The following ARHGAP20 variants were observed in gnomAD, a reference collection of about 807,000 sequenced individuals.
ARHGAP20 encodes the protein rho GTPase-activating protein 20.
In ARHGAP20, 34 loss-of-function variants were observed where a neutral mutation model predicts 73.7. That is an observed-to-expected ratio of 0.46 (90% CI 0.35 to 0.61). The LOEUF (loss-of-function observed/expected upper bound fraction) is 0.61, where lower values mean the gene tolerates loss of function less well. Ranked by LOEUF, ARHGAP20 falls within the 20% of genes least tolerant of loss-of-function variation. ARHGAP20 has a pLI of 0.00. For missense variants in ARHGAP20, 1,314 were observed against 1,420.9 expected (o/e 0.92, Z 1.21); for synonymous variants, 523 against 518.2 (o/e 1.01, Z -0.13).
intron 6 of ARHGAP20, among the ~76,000 whole-genome samples, chr11:110,612,043 T>C (rs1208092693): frequency 6.6e-6 from 1 of 152,188 alleles, no homozygotes; most frequent in East Asian, 1.9e-4. Context: ...AATTCTATTA[T>C]CAACTCTGCC....
intron 2 of ARHGAP20, among the ~76,000 whole-genome samples, chr11:110,644,208 T>A (rs1026031004): frequency 3.3e-5 from 5 of 152,066 alleles, no homozygotes; most frequent in Non-Finnish European, 7.4e-5. Context: ...AGAGTTAATA[T>A]CATTAAAATG....
intron 11 of ARHGAP20, among the ~76,000 whole-genome samples, chr11:110,588,801 T>C (rs1947741639): frequency 6.6e-6 from 1 of 152,158 alleles, no homozygotes; most frequent in African/African-American, 2.4e-5. Context: ...TCTTGGTTGT[T>C]AAAGAAAATT....
chr11:110,614,810 T>C (rs1371965545), intron 5 of ARHGAP20, among the ~76,000 whole-genome samples, 165 bp from the exon 6 acceptor site: 1 of 152,034 alleles, frequency 6.6e-6, no homozygotes, highest in Non-Finnish European at 1.5e-5. Flanking sequence ...ACATTATGGG[T>C]TGGAAGAGAA....
intron 3 of ARHGAP20, 134 bp downstream of exon 3, chr11:110,630,494 C>A: frequency 1.1e-6 from 1 of 921,320 alleles, no homozygotes; most frequent in Admixed American, 2.8e-5. Context: ...CAATGAAGGG[C>A]ATAAAATCAC....
intron 4 of ARHGAP20, among the ~76,000 whole-genome samples, chr11:110,621,213 T>G (rs1158547669): frequency 6.6e-6 from 1 of 152,112 alleles, no homozygotes; most frequent in Non-Finnish European, 1.5e-5. Flanking sequence ...GATCTTTCTC[T>G]TATTTTTGAT....
intron 9 of ARHGAP20, among the ~76,000 whole-genome samples, chr11:110,595,663 A>G (rs553202780): frequency 2.6e-5 from 4 of 152,354 alleles, no homozygotes; most frequent in African/African-American, 7.2e-5. Context: ...CAAATGGAAG[A>G]ACATTCCATG....
intron 1 of ARHGAP20, chr11:110,691,039 G>A: frequency 2.0e-6 from 3 of 1,498,988 alleles, no homozygotes; most frequent in Non-Finnish European, 2.7e-6. Context: ...GGCAAATTTG[G>A]CTTCAAGAAA....
intron 2 of ARHGAP20, among the ~76,000 whole-genome samples, chr11:110,648,817 T>G (rs1157829701): frequency 6.6e-6 from 1 of 152,052 alleles, no homozygotes; most frequent in Admixed American, 6.6e-5. Context: ...GTCCCTTATG[T>G]TAGCCTGAAA....
intron 2 of ARHGAP20, among the ~76,000 whole-genome samples, chr11:110,638,671 TA>T (rs1325566341): frequency 6.6e-6 from 1 of 151,830 alleles, no homozygotes; most frequent in African/African-American, 2.4e-5. Flanking sequence ...TATGCAGCCA[TA>T]AAAAATGATG....
intron 2 of ARHGAP20, among the ~76,000 whole-genome samples, chr11:110,675,186 G>C (rs965224670): frequency 6.6e-6 from 1 of 152,154 alleles, no homozygotes; most frequent in Admixed American, 6.5e-5. Flanking sequence ...TTATTTGATA[G>C]AGCCAGTTTT....
intron 12 of ARHGAP20, among the ~76,000 whole-genome samples, 167 bp downstream of exon 12, chr11:110,586,049 A>G (rs1027480659): frequency 4.6e-5 from 7 of 152,198 alleles, no homozygotes; most frequent in African/African-American, 1.7e-4. Context: ...CAAGTATTAC[A>G]ATGTTCAACT....
chr11:110,690,580 A>C lies in ARHGAP20; in HGVS notation c.155T>G (p.Leu52Arg), dbSNP rs780467015. ...ERRRSAPSLI[L>R]DKALQKRPTT... ...AGGCCGTTTTTGTAGGGCTTTATCC[A>C]GGATAAGAGATGGAGCGCTCCTCCT... The change falls in exon 2 of 15, where the codon CTG (leucine) becomes CGG (arginine). Residue 52 changes from leucine (L) to arginine (R), a missense_variant. Leu to Arg is a moderately radical substitution (Grantham distance 102). This residue lies in a region of ARHGAP20 where 443 missense variants were observed against 466.4 expected (regional missense o/e 0.95). Transcript: ENST00000683387. The C allele has an allele frequency of 6.2e-7, 1 of 1,613,974 alleles. No homozygotes were observed. Among genetic ancestry groups the C allele is most frequent in the Non-Finnish European group, 8.5e-7 (1 of 1,179,982 alleles).
At chr11:110,658,780 A>ATTGTTTTGTT (rs60691263) in intron 2 of ARHGAP20, among the ~76,000 whole-genome samples, 27,592 of 151,188 alleles carry the variant, frequency 0.18, 2,679 homozygotes, top group South Asian at 0.3. Context: ...GTTGTTATTT[A>ATTGTTTTGTT]TTGTTTTGTT....
intron 12 of ARHGAP20, among the ~76,000 whole-genome samples, chr11:110,584,896 AAT>A (rs1161437681): frequency 1.4e-5 from 2 of 142,090 alleles, no homozygotes; most frequent in African/African-American, 2.5e-5. Flanking sequence ...TGTAAAAATG[AAT>A]ATATGTGAAT....
At chr11:110,656,141 A>G (rs1022666751) in intron 2 of ARHGAP20, among the ~76,000 whole-genome samples, 1 of 152,116 alleles carries the variant, frequency 6.6e-6, no homozygotes, top group Non-Finnish European at 1.5e-5. Flanking sequence ...GTCCCTAAAC[A>G]CTAGGACTAT....
chr11:110,640,165 C>G (rs1359311519), intron 2 of ARHGAP20, among the ~76,000 whole-genome samples: 3 of 151,956 alleles, frequency 2.0e-5, no homozygotes, highest in African/African-American at 7.2e-5. Flanking sequence ...AACTCTGGAT[C>G]CTCATAACCT....
intron 2 of ARHGAP20, among the ~76,000 whole-genome samples, chr11:110,680,149 T>C (rs1478986371): frequency 1.3e-5 from 2 of 152,174 alleles, no homozygotes; most frequent in Non-Finnish European, 2.9e-5. Context: ...AAATACATTA[T>C]AAAATTAACT....
intron 2 of ARHGAP20, among the ~76,000 whole-genome samples, chr11:110,654,437 ATG>A (rs1258713484): frequency 1.3e-5 from 2 of 152,222 alleles, no homozygotes; most frequent in African/African-American, 4.8e-5. Context: ...TAAATAACAA[ATG>A]TCTTAATTTC....
chr11:110,608,100 C>G (rs993291829), intron 8 of ARHGAP20, among the ~76,000 whole-genome samples: 8 of 152,146 alleles, frequency 5.3e-5, no homozygotes, highest in African/African-American at 1.9e-4. Flanking sequence ...ACTAAGGTCA[C>G]TTGAAACACT....
Sources: allele counts gnomAD v4.1 joint callset (sites outside exome capture counted in the v4.1 genomes callset), GRCh38; gene constraint gnomAD v4.1.1; regional missense constraint gnomAD v4.1.1; transcripts MANE v1.5; gene names NCBI Gene and HGNC (gene_info 2026-07-23, HGNC 2026-07-21).